EFCAB5: variants seen among roughly 807,000 people sequenced by gnomAD.
EFCAB5 encodes EF-hand calcium binding domain 5, also known as EF-hand calcium-binding domain-containing protein 5.
In EFCAB5, 131 loss-of-function variants were observed where a neutral mutation model predicts 167.9. The observed-to-expected ratio is 0.78, with a 90% CI of 0.68 to 0.90. The LOEUF (loss-of-function observed/expected upper bound fraction) is 0.90. EFCAB5 is among the 40% of genes least tolerant of loss of function. The pLI, the probability that EFCAB5 is intolerant of heterozygous loss-of-function variation, is 0.00. For missense variants in EFCAB5, 1,663 were observed against 1,745.2 expected, an observed-to-expected ratio of 0.95 and a Z score of 0.84; for synonymous variants, 574 against 602.8, an observed-to-expected ratio of 0.95 and a Z score of 0.70.
At chr17:30,076,977 A>C (rs761635332) in intron 14 of EFCAB5, among the ~76,000 whole-genome samples, 1 of 152,250 alleles carries the variant, frequency 6.6e-6, no homozygotes, top group Non-Finnish European at 1.5e-5. Context: ...AAAACTACAC[A>C]TAGTTTGCTA....
In EFCAB5 at chr17:30,056,132, A is replaced by G. The variant is rs372615918; in HGVS notation, c.2341A>G (p.Ile781Val). The change falls in exon 12 of 23, where the codon ATC becomes GTC. Residue 781 changes from isoleucine to valine, a missense_variant. Ile to Val is a conservative substitution (Grantham distance 29, BLOSUM62 3). Coordinates refer to ENST00000394835, the MANE Select transcript of EFCAB5 (RefSeq NM_198529.4). Reference sequence around the variant, plus strand: ...TGAAGATGAGGAACAGGCAAACTTAATCTATGGTAACTCCAGGTTCACAGG... The same window carrying G: ...TGAAGATGAGGAACAGGCAAACTTAGTCTATGGTAACTCCAGGTTCACAGG... ...TFEDEEQANL[I>V]YGNSRFTDLH... 6.2e-7 allele frequency: 1 copy of G among 1,611,240 alleles called. No individual in the cohort carries two copies.
chr17:30,079,988 G>A, intron 15 of EFCAB5, 84 bp from the exon 16 acceptor site: 1 of 1,468,898 alleles, frequency 6.8e-7, no homozygotes. Context: ...GGGGCAAGAT[G>A]CATGAATTAA....
chr17:29,957,090 C>T (rs1000596403), intron 3 of EFCAB5, among the ~76,000 whole-genome samples: 1 of 152,084 alleles, frequency 6.6e-6, no homozygotes, highest in Non-Finnish European at 1.5e-5. Flanking sequence ...GTGGGTCTGT[C>T]ATATATGGCT....
chr17:30,090,440 A>C lies in EFCAB5; in HGVS notation c.3703A>C (p.Thr1235Pro). 6.2e-7 allele frequency: 1 copy of C among 1,613,580 alleles called. No individual in the cohort carries two copies. The highest frequency in any genetic ancestry group is 8.5e-7 in the Non-Finnish European group (1 of 1,179,768). ...CIFRDFLFKC[T>P]DSSEVVLASA... ...TTTCAGAGATTTCCTCTTTAAATGTACTGACAGTTCAGAAGTTGTTCTGGC... is the reference window on the plus strand; with the variant it reads ...TTTCAGAGATTTCCTCTTTAAATGTCCTGACAGTTCAGAAGTTGTTCTGGC... Residue 1235 changes from threonine to proline, a missense_variant, in exon 20 of 23, where the codon ACT (threonine) becomes CCT (proline). By Grantham distance (38) the Thr-to-Pro change is conservative (BLOSUM62 -1). Coordinates refer to ENST00000394835, the MANE Select transcript of EFCAB5 (RefSeq NM_198529.4).
chr17:29,995,851 C>A (rs566954602), intron 5 of EFCAB5, among the ~76,000 whole-genome samples: 19 of 152,306 alleles, frequency 1.2e-4, no homozygotes, highest in Non-Finnish European at 2.2e-4. Flanking sequence ...TTGTAAACTG[C>A]TGATTTCTTT....
At chr17:29,974,097 C>T (rs1402862136) in intron 4 of EFCAB5, among the ~76,000 whole-genome samples, 3 of 148,704 alleles carry the variant, frequency 2.0e-5, no homozygotes, top group African/African-American at 5.0e-5. Flanking sequence ...GCAGAGGTTG[C>T]AGTGAGCTGA....
At chr17:30,069,196 C>T in intron 14 of EFCAB5, 3 of 1,546,042 alleles carry the variant, frequency 1.9e-6, no homozygotes, top group Non-Finnish European at 2.7e-6. Flanking sequence ...TTCACAGTGT[C>T]CTTCAAAAGA....
rs779932966 is a variant in EFCAB5, at chr17:30,078,332, A to T, written c.2855A>T (p.Gln952Leu). 6.2e-7 allele frequency: 1 copy of T among 1,614,028 alleles called. No homozygotes were observed. Among genetic ancestry groups the T allele is most frequent in the East Asian group, 2.2e-5 (1 of 44,888 alleles). The change falls in exon 15 of 23, where the codon CAA (glutamine) becomes CTA (leucine). Residue 952 changes from glutamine to leucine, a missense_variant. Transcript: ENST00000394835. ...VVSELRGNED[Q>L]VLESVVEFLM... ...TCTGAACTCAGGGGCAATGAAGACC[A>T]AGTTCTGGAAAGTGTTGTGGAATTT...
intron 22 of EFCAB5, among the ~76,000 whole-genome samples, chr17:30,107,483 A>G (rs1369390717): frequency 1.3e-5 from 2 of 152,162 alleles, no homozygotes; most frequent in East Asian, 1.9e-4. Context: ...TATTTTTACT[A>G]TATGCTAATG....
intron 8 of EFCAB5, 95 bp downstream of exon 8, chr17:30,034,480 C>A (rs2069566533): frequency 6.8e-7 from 1 of 1,461,892 alleles, no homozygotes; most frequent in East Asian, 2.5e-5. Flanking sequence ...TGGTGGATTA[C>A]TTGAGCCCAG....
intron 3 of EFCAB5, among the ~76,000 whole-genome samples, chr17:29,963,631 C>T (rs2067767011): frequency 6.6e-6 from 1 of 152,166 alleles, no homozygotes; most frequent in African/African-American, 2.4e-5. Context: ...TTCAATTCTT[C>T]TTTAAATATT....
At chr17:29,986,889 C>T (rs566224532) in intron 4 of EFCAB5, among the ~76,000 whole-genome samples, 43 of 151,942 alleles carry the variant, frequency 2.8e-4, no homozygotes, top group South Asian at 6.2e-4. Context: ...CCTCGTGATC[C>T]GCCCGCCTCG....
chr17:29,986,466 C>A (rs1353228087), intron 4 of EFCAB5, among the ~76,000 whole-genome samples: 1 of 152,038 alleles, frequency 6.6e-6, no homozygotes, highest in East Asian at 1.9e-4. Context: ...GTAAACATCC[C>A]CTTAGGGGAC....
chr17:30,032,661 C>T (rs1374680417), intron 7 of EFCAB5, among the ~76,000 whole-genome samples: 1 of 152,160 alleles, frequency 6.6e-6, no homozygotes, highest in East Asian at 1.9e-4. Flanking sequence ...TACTTTTCCA[C>T]AATTGCCTCT....
At chr17:29,966,718 C>T (rs1189250662) in intron 3 of EFCAB5, among the ~76,000 whole-genome samples, 2 of 152,162 alleles carry the variant, frequency 1.3e-5, no homozygotes, top group Non-Finnish European at 2.9e-5. Flanking sequence ...GAGGAAGTCA[C>T]TATATGCAGT....
chr17:30,092,292 C>A, intron 21 of EFCAB5, 135 bp downstream of exon 21: 1 of 923,896 alleles, frequency 1.1e-6, no homozygotes, highest in Non-Finnish European at 1.6e-6. Context: ...TTCACGTAAC[C>A]AGACCTAGAT....
At chr17:30,086,570 AC>A (rs1348972881) in intron 18 of EFCAB5, among the ~76,000 whole-genome samples, 4 of 149,850 alleles carry the variant, frequency 2.7e-5, no homozygotes, top group African/African-American at 9.8e-5. Flanking sequence ...ACATGGTTAA[AC>A]CCTGTCTCTA....
At chr17:30,097,061 T>TATA (rs200670086) in intron 22 of EFCAB5, among the ~76,000 whole-genome samples, 6,089 of 49,838 alleles carry the variant, frequency 0.12, 191 homozygotes, top group East Asian at 0.32. Flanking sequence ...TATATATATA[T>TATA]TTTTTTTTTT....
intron 13 of EFCAB5, 37 bp from the exon 14 acceptor site, chr17:30,059,508 A>G (rs4075623): frequency 0.55 from 844,683 of 1,535,270 alleles, 239,617 homozygotes; most frequent in African/African-American, 0.88. Context: ...CAATGAACAT[A>G]TATCTTCCGT....
Sources: gnomAD v4.1 joint callset for allele counts (sites outside exome capture counted in the v4.1 genomes callset) on GRCh38, gnomAD v4.1.1 for gene constraint, MANE v1.5 for transcripts, NCBI Gene and HGNC (gene_info 2026-07-23, HGNC 2026-07-21) for gene names.